Variants in SEMA5A observed in about 807,000 individuals in gnomAD.
SEMA5A encodes semaphorin-5A.
SEMA5A carries 55 observed loss-of-function variants against 135.5 expected under a neutral mutation model. That is an observed-to-expected ratio of 0.41 (90% confidence interval 0.33 to 0.51). The LOEUF is 0.51. Ranked by LOEUF, SEMA5A falls within the 20% of genes least tolerant of loss-of-function variation. SEMA5A has a pLI of 0.37. For synonymous variants in SEMA5A, 580 were observed against 546.5 expected (o/e 1.06, Z -0.85); for missense variants, 1,290 against 1,419.9 (o/e 0.91, Z 1.47).
rs138246487 is a variant in SEMA5A, at chr5:9,526,645, C to T, written c.-175+18939G>A. Among the ~76,000 whole-genome samples the T allele has an allele frequency of 4.6e-3, 693 of 152,286 alleles. 4 individuals carry two copies. Among genetic ancestry groups the T allele is most frequent in the African/African-American group, 0.016 (660 of 41,562 alleles). On this transcript the variant is annotated intron_variant, in intron 1 of 22. Coordinates refer to ENST00000382496, the MANE Select transcript of SEMA5A (RefSeq NM_003966.3). The stretch of plus-strand genomic sequence containing the variant: ...CTTGAGCCATCAGCAACTGAAGGTC[C>T]GGAGAAGCCCCGGAGCAGCTTGGCT...
intron 1 of SEMA5A, among the ~76,000 whole-genome samples, chr5:9,541,801 T>C (rs1000512689): frequency 2.0e-5 from 3 of 152,250 alleles, no homozygotes; most frequent in Admixed American, 6.5e-5. Flanking sequence ...CAAGGTGAAA[T>C]ATGACTTGTC....
intron 5 of SEMA5A, among the ~76,000 whole-genome samples, chr5:9,257,800 G>C (rs1408609371): frequency 6.6e-6 from 1 of 152,084 alleles, no homozygotes; most frequent in Non-Finnish European, 1.5e-5. Context: ...CTACCAAGGG[G>C]CATCCATGGG....
rs564447079 is a variant in SEMA5A, at chr5:9,153,135, T to C, written c.1481+1353A>G. ...CCTAGCTTCTGAGTTCCAAAGCCAGTGTAACTTGGCACCTTGTTTAGAGAG... is the reference window on the plus strand; with the variant it reads ...CCTAGCTTCTGAGTTCCAAAGCCAGCGTAACTTGGCACCTTGTTTAGAGAG... On this transcript the variant is annotated intron_variant, in intron 12 of 22. Coordinates refer to ENST00000382496, the MANE Select transcript of SEMA5A (RefSeq NM_003966.3). Among the ~76,000 whole-genome samples, 5 of 151,510 alleles carry C rather than the reference T, an allele frequency of 3.3e-5. No individual in the cohort carries two copies. In the South Asian group the frequency reaches 1.0e-3, roughly 32 times the overall value.
intron 18 of SEMA5A, among the ~76,000 whole-genome samples, chr5:9,060,485 C>T (rs1420637721): frequency 6.6e-6 from 1 of 152,084 alleles, no homozygotes; most frequent in African/African-American, 2.4e-5. Context: ...GCCCCTGTTC[C>T]AGTTTATAGC....
chr5:9,221,158 A>G (rs1225390423), intron 8 of SEMA5A, among the ~76,000 whole-genome samples: 1 of 152,194 alleles, frequency 6.6e-6, no homozygotes, highest in African/African-American at 2.4e-5. Flanking sequence ...GAAGTCTGAG[A>G]GCATCATTTA....
chr5:9,418,855 A>C (rs535594143), intron 2 of SEMA5A, among the ~76,000 whole-genome samples: 1 of 152,310 alleles, frequency 6.6e-6, no homozygotes, highest in Admixed American at 6.5e-5. Flanking sequence ...GGACAAAGTA[A>C]AGGACAAATA....
At chr5:9,144,416 T>C (rs1251210807) in intron 12 of SEMA5A, among the ~76,000 whole-genome samples, 1 of 152,262 alleles carries the variant, frequency 6.6e-6, no homozygotes, top group Non-Finnish European at 1.5e-5. Context: ...TTCTGTTTTC[T>C]TATAATTCAC....
At chr5:9,223,989 A>G (rs1319046514) in intron 8 of SEMA5A, among the ~76,000 whole-genome samples, 2 of 151,876 alleles carry the variant, frequency 1.3e-5, no homozygotes, top group Non-Finnish European at 2.9e-5. Flanking sequence ...AAAAGGGGAG[A>G]GGGATGTGGC....
intron 16 of SEMA5A, among the ~76,000 whole-genome samples, chr5:9,089,282 T>TG (rs1738902290): frequency 6.6e-6 from 1 of 152,218 alleles, no homozygotes; most frequent in Non-Finnish European, 1.5e-5. Flanking sequence ...TTGGATAATG[T>TG]TTCATAACTT....
intron 16 of SEMA5A, among the ~76,000 whole-genome samples, chr5:9,078,260 G>A (rs16881928): frequency 0.098 from 14,920 of 152,158 alleles, 878 homozygotes; most frequent in African/African-American, 0.14. Flanking sequence ...AATTGAAATC[G>A]GTGACCTTGA....
rs2150008656 is a variant in SEMA5A, at chr5:9,036,737, A to G, written c.*6160T>C. On this transcript the variant is annotated 3_prime_UTR_variant, in exon 23 of 23. Coordinates refer to ENST00000382496, the MANE Select transcript of SEMA5A (RefSeq NM_003966.3). ...ATTCCTGAGTTCAAAGAGACATAGG[A>G]GAATAATTTTCTTTAAAGTAAATCC... 6.5e-6 allele frequency: 1 copy of G among 152,718 alleles called. No homozygotes were observed. The highest frequency in any genetic ancestry group is 1.5e-5 in the Non-Finnish European group (1 of 68,022). 9.5% of individuals were successfully genotyped at this position (152,718 alleles called of 1,614,324 possible). A position where few individuals can be genotyped will look rare whatever the true frequency, so the allele number is the denominator to read the frequency against.
chr5:9,310,237 A>G (rs1679109112), intron 5 of SEMA5A, among the ~76,000 whole-genome samples: 1 of 152,078 alleles, frequency 6.6e-6, no homozygotes. Context: ...GCAGCCATAG[A>G]TGTTATGTTA....
At chr5:9,113,997 T>A (rs1356586217) in intron 15 of SEMA5A, among the ~76,000 whole-genome samples, 1 of 152,242 alleles carries the variant, frequency 6.6e-6, no homozygotes, top group African/African-American at 2.4e-5. Context: ...GATACTCATA[T>A]GCCAATATTC....
intron 12 of SEMA5A, among the ~76,000 whole-genome samples, chr5:9,145,156 C>G (rs2150238110): frequency 6.6e-6 from 1 of 152,246 alleles, no homozygotes; most frequent in South Asian, 2.1e-4. Flanking sequence ...CACTCACAGG[C>G]AATGCCAGCT....
At chr5:9,210,568 T>C (rs558176904) in intron 8 of SEMA5A, among the ~76,000 whole-genome samples, 38 of 152,048 alleles carry the variant, frequency 2.5e-4, no homozygotes, top group Non-Finnish European at 4.6e-4. Context: ...GAGAGAGAGA[T>C]GGAGGCCATT....
Position 9,238,196 on chromosome 5 carries a change from G to A in SEMA5A, c.271-306C>T, listed in dbSNP as rs1281594986. 4.6e-5 allele frequency among the ~76,000 whole-genome samples: 7 copies of A among 152,302 alleles called. No individual in the cohort carries two copies. The South Asian group carries it at 6.2e-4, about 14-fold the overall frequency. Reference sequence around the variant, plus strand: ...GTTGGTGACTATAGCACTGATGGTAGAAATGATCACTTCAGTGAAACTATG... The same window carrying A: ...GTTGGTGACTATAGCACTGATGGTAAAAATGATCACTTCAGTGAAACTATG... On this transcript the variant is annotated intron_variant, in intron 5 of 22. Coordinates refer to ENST00000382496, the MANE Select transcript of SEMA5A (RefSeq NM_003966.3).
Position 9,122,677 on chromosome 5 carries a change from A to G in SEMA5A, c.1760T>C (p.Met587Thr). ...CGGWQCEGPG[M>T]EIANCSRNGG... ...ACACCTGGAACAGTTGGCGATCTCCATGCCAGGGCCCTCGCACTGCCAGCC... is the reference window on the plus strand; with the variant it reads ...ACACCTGGAACAGTTGGCGATCTCCGTGCCAGGGCCCTCGCACTGCCAGCC... Residue 587 changes from methionine to threonine, a missense_variant, in exon 14 of 23, where the codon ATG becomes ACG. Coordinates refer to ENST00000382496, the MANE Select transcript of SEMA5A (RefSeq NM_003966.3). The G allele has an allele frequency of 1.2e-6, 2 of 1,605,328 alleles. No individual in the cohort carries two copies. The highest frequency in any genetic ancestry group is 1.3e-5 in the African/African-American group (1 of 74,834).
At chr5:9,220,229 T>C (rs1746857819) in intron 8 of SEMA5A, among the ~76,000 whole-genome samples, 1 of 152,140 alleles carries the variant, frequency 6.6e-6, no homozygotes, top group Non-Finnish European at 1.5e-5. Flanking sequence ...GAGTGGGGGA[T>C]AAAAGACTAT....
chr5:9,493,423 C>T (rs1012122779), intron 1 of SEMA5A, among the ~76,000 whole-genome samples: 33 of 151,828 alleles, frequency 2.2e-4, no homozygotes, highest in African/African-American at 8.0e-4. Flanking sequence ...CCCACACTTG[C>T]CTAGTTTGAT....
Sources: gnomAD v4.1 joint callset for allele counts (sites outside exome capture counted in the v4.1 genomes callset) on GRCh38, gnomAD v4.1.1 for gene constraint, MANE v1.5 for transcripts, NCBI Gene and HGNC (gene_info 2026-07-23, HGNC 2026-07-21) for gene names.